ENOX2: variants seen among roughly 807,000 people sequenced by gnomAD.
ENOX2 encodes ecto-NOX disulfide-thiol exchanger 2.
A neutral mutation model predicts 45.0 loss-of-function variants in ENOX2; 36 were observed. The observed-to-expected ratio is 0.80, with a 90% CI of 0.61 to 1.06. ENOX2 has a LOEUF of 1.06. Ranked by LOEUF, ENOX2 falls within the 50% of genes least tolerant of loss-of-function variation. The pLI is 0.00. For synonymous variants in ENOX2, 174 were observed against 152.3 expected, an observed-to-expected ratio of 1.14 and a Z score of -1.05; for missense variants, 423 against 462.5, an observed-to-expected ratio of 0.91 and a Z score of 0.78.
chrX:130,690,075 T>A (rs2037552517), intron 4 of ENOX2, among the ~76,000 whole-genome samples: 1 of 111,187 alleles, frequency 9.0e-6, no homozygotes, highest in Admixed American at 9.6e-5. Context: ...TTGGATAGTA[T>A]CGCAAAGGGG....
At chrX:130,844,856 A>G (rs1321363082) in intron 2 of ENOX2, among the ~76,000 whole-genome samples, 2 of 112,058 alleles carry the variant, frequency 1.8e-5, no homozygotes, top group Non-Finnish European at 3.8e-5. Flanking sequence ...TAATAATGCA[A>G]GGACCAATTG....
At chrX:130,688,831 T>C (rs2037515601) in intron 5 of ENOX2, 32 bp downstream of exon 5, 1 of 1,098,816 alleles carries the variant, frequency 9.1e-7, no homozygotes, top group African/African-American at 1.8e-5. Context: ...TAAAATATTG[T>C]GTCTTGTGTG....
intron 6 of ENOX2, among the ~76,000 whole-genome samples, chrX:130,674,150 T>C (rs2037067770): frequency 9.2e-6 from 1 of 108,420 alleles, no homozygotes; most frequent in Non-Finnish European, 1.9e-5. Flanking sequence ...AAGTGAAGAG[T>C]GTGGGAGGGG....
At chrX:130,845,881 T>G (rs978017953) in intron 2 of ENOX2, among the ~76,000 whole-genome samples, 1 of 112,313 alleles carries the variant, frequency 8.9e-6, no homozygotes, top group African/African-American at 3.2e-5. Context: ...AAAACAAGAA[T>G]ATTTAAAATA....
chrX:130,849,852 T>C (rs1276132406), intron 2 of ENOX2, among the ~76,000 whole-genome samples: 1 of 111,386 alleles, frequency 9.0e-6, no homozygotes, highest in Non-Finnish European at 1.9e-5. Flanking sequence ...TACAGGAATA[T>C]CCTACACATA....
At chrX:130,872,523 G>T (rs767974611) in intron 2 of ENOX2, among the ~76,000 whole-genome samples, 3 of 111,738 alleles carry the variant, frequency 2.7e-5, no homozygotes, top group Non-Finnish European at 5.7e-5. Context: ...ACCTACCTCT[G>T]CATGGCAGAT....
rs183013145 is a variant in ENOX2 at position 130,752,857 on chromosome X, T to C, written c.-39+30690A>G. Among the ~76,000 whole-genome samples, 3 of 111,082 alleles carry C rather than the reference T, an allele frequency of 2.7e-5. No individual in the cohort carries two copies. The Admixed American group carries it at 2.9e-4, about 11-fold the overall frequency. On this transcript the variant is annotated intron_variant, in intron 3 of 14. Transcript: ENST00000394363. ...GTCTTTTCTATCTTGCTGTCTCTTG[T>C]GGTCTCTGCTTCTCTCTATGATGAT...
At chrX:130,698,309 A>G (rs2037814045) in intron 4 of ENOX2, among the ~76,000 whole-genome samples, 1 of 110,893 alleles carries the variant, frequency 9.0e-6, no homozygotes, top group Non-Finnish European at 1.9e-5. Context: ...ATTATGTCCA[A>G]ACCAAATGAT....
Position 130,637,297 on chromosome X carries a change from T to C in ENOX2, c.1243A>G (p.Arg415Gly). The change falls in exon 11 of 15, where the codon AGA becomes GGA. Residue 415 changes from arginine (R) to glycine (G), a missense_variant. Transcript: ENST00000394363. ...LLKQEQGKVH[R>G]EDDPNKEQQL... ...TGTTCTTTGTTAGGGTCATCTTCTC[T>C]GTGGACTTTGCCTTGTTCTTGCTTG... The C allele has an allele frequency of 1.7e-6, 2 of 1,211,576 alleles. No homozygotes were observed. The highest frequency in any genetic ancestry group is 2.2e-6 in the Non-Finnish European group (2 of 895,154).
chrX:130,709,179 A>G (rs1459186449), intron 3 of ENOX2: 13 of 980,100 alleles, frequency 1.3e-5, no homozygotes, highest in Non-Finnish European at 1.9e-5. Flanking sequence ...GTAGGTGCCA[A>G]TAAGTGTGTT....
intron 2 of ENOX2, among the ~76,000 whole-genome samples, chrX:130,892,449 G>A (rs1569337100): frequency 8.9e-6 from 1 of 112,354 alleles, no homozygotes; most frequent in Non-Finnish European, 1.9e-5. Flanking sequence ...GGAAGTACCA[G>A]GCAGGTGGAG....
At chrX:130,627,083 G>A (rs2035564558) in intron 14 of ENOX2, among the ~76,000 whole-genome samples, 1 of 111,586 alleles carries the variant, frequency 9.0e-6, no homozygotes, top group Non-Finnish European at 1.9e-5. Flanking sequence ...ATCCAGAGAA[G>A]GAAATGGACC....
At chrX:130,773,939 T>C (rs2039797777) in intron 3 of ENOX2, among the ~76,000 whole-genome samples, 1 of 112,110 alleles carries the variant, frequency 8.9e-6, no homozygotes, top group Admixed American at 9.4e-5. Context: ...GGGAATTTCA[T>C]CATTATGGAT....
At chrX:130,893,568 G>C (rs767113049) in intron 2 of ENOX2, among the ~76,000 whole-genome samples, 1 of 112,268 alleles carries the variant, frequency 8.9e-6, no homozygotes, top group Non-Finnish European at 1.9e-5. Flanking sequence ...AGTACTAAAG[G>C]TCAGGCTGAA....
At chrX:130,685,326 G>A (rs1461333669) in intron 5 of ENOX2, among the ~76,000 whole-genome samples, 1 of 111,620 alleles carries the variant, frequency 9.0e-6, no homozygotes, top group African/African-American at 3.3e-5. Flanking sequence ...AAGGACTTTA[G>A]TCTCTATTGT....
chrX:130,765,203 G>C (rs1399555892), intron 3 of ENOX2, among the ~76,000 whole-genome samples: 3 of 110,862 alleles, frequency 2.7e-5, no homozygotes, highest in African/African-American at 9.8e-5. Context: ...TAGTTATTTA[G>C]CCAGTTATTT....
At chrX:130,635,165 T>G (rs1603291720) in intron 11 of ENOX2, 74 bp from the exon 12 acceptor site, 2 of 591,943 alleles carry the variant, frequency 3.4e-6, no homozygotes. Flanking sequence ...CTGGCTGAAA[T>G]CAGATATCAG....
chrX:130,697,152 T>C (rs2037784574), intron 4 of ENOX2, among the ~76,000 whole-genome samples: 2 of 111,624 alleles, frequency 1.8e-5, no homozygotes, highest in South Asian at 3.8e-4. Context: ...CTTCCAATCA[T>C]TGATGCACTG....
At chrX:130,654,814 C>T (rs995431516) in intron 10 of ENOX2, among the ~76,000 whole-genome samples, 227 of 112,068 alleles carry the variant, frequency 2.0e-3, no homozygotes, top group African/African-American at 6.7e-3. Context: ...AGTCTCTAAA[C>T]GAATAAGATT....
Sources: allele counts gnomAD v4.1 joint callset (sites outside exome capture counted in the v4.1 genomes callset), GRCh38; gene constraint gnomAD v4.1.1; transcripts MANE v1.5; gene names NCBI Gene and HGNC (gene_info 2026-07-23, HGNC 2026-07-21).